DAB1: variants seen among roughly 807,000 people sequenced by gnomAD.
DAB1 encodes the protein disabled homolog 1.
Under a neutral mutation model 64.6 loss-of-function variants are expected in DAB1, and 15 were observed. The ratio of observed to expected loss-of-function variants is 0.23; its 90% CI spans 0.16 to 0.36. The LOEUF is 0.36. Ranked by LOEUF, DAB1 falls within the 10% of genes least tolerant of loss-of-function variation. The pLI, the probability that DAB1 is intolerant of heterozygous loss-of-function variation, is 1.00. For synonymous variants in DAB1, 235 were observed against 251.9 expected (o/e 0.93, Z 0.64); for missense variants, 596 against 706.7 (o/e 0.84, Z 1.78).
Position 58,051,424 on chromosome 1 carries a change from A to AC in DAB1, n.387+99086_387+99087insG, listed in dbSNP as rs1206507457. On this transcript the variant is annotated intron_variant and non_coding_transcript_variant, in intron 5 of 20. Transcript: ENST00000485760. Reference sequence around the variant, plus strand: ...TAGTATTCCATGGTGTATATGTGCCAATTTTCTTAATCCAGTCTATTATTG... The same window carrying AC: ...TAGTATTCCATGGTGTATATGTGCCACATTTTCTTAATCCAGTCTATTATTG... 5.3e-5 allele frequency among the ~76,000 whole-genome samples: 8 copies of AC among 152,104 alleles called. No homozygotes were observed. In the East Asian group the frequency reaches 9.6e-4, roughly 18 times the overall value.
intron 6 of DAB1, among the ~76,000 whole-genome samples, chr1:57,728,147 G>A (rs777097112): frequency 2.6e-5 from 4 of 152,162 alleles, no homozygotes; most frequent in Non-Finnish European, 4.4e-5. Flanking sequence ...TGGGCTCAAA[G>A]GTGACCTCTG....
intron 6 of DAB1, among the ~76,000 whole-genome samples, chr1:57,813,461 C>T (rs1306600447): frequency 6.6e-6 from 1 of 152,144 alleles, no homozygotes; most frequent in African/African-American, 2.4e-5. Flanking sequence ...CAAATTAAGA[C>T]ACAGTCCCTG....
At chr1:58,287,875 C>T (rs183942943) in intron 4 of DAB1, among the ~76,000 whole-genome samples, 2 of 151,604 alleles carry the variant, frequency 1.3e-5, no homozygotes, top group East Asian at 3.9e-4. Context: ...TACAAAAATT[C>T]ACTGGGTGTG....
intron 4 of DAB1, among the ~76,000 whole-genome samples, chr1:58,235,511 C>A (rs1468646271): frequency 6.6e-6 from 1 of 152,160 alleles, no homozygotes; most frequent in Non-Finnish European, 1.5e-5. Flanking sequence ...GCCCTGAACC[C>A]TAGTTTTGGT....
chr1:57,808,908 G>C (rs1651491839), intron 6 of DAB1, among the ~76,000 whole-genome samples: 1 of 152,132 alleles, frequency 6.6e-6, no homozygotes, highest in Admixed American at 6.5e-5. Flanking sequence ...CTCTGTGTGA[G>C]CTTTAGGAGA....
chr1:57,607,754 C>T (rs566397735), intron 7 of DAB1, among the ~76,000 whole-genome samples: 1 of 152,070 alleles, frequency 6.6e-6, no homozygotes, highest in Non-Finnish European at 1.5e-5. Flanking sequence ...AAAGAACTAA[C>T]AAAAAGACAG....
At chr1:58,333,668 C>T (rs569639204) in intron 4 of DAB1, among the ~76,000 whole-genome samples, 2 of 152,342 alleles carry the variant, frequency 1.3e-5, no homozygotes, top group South Asian at 4.1e-4. Context: ...AAAAAATGTA[C>T]AGCTCCAATT....
intron 4 of DAB1, among the ~76,000 whole-genome samples, chr1:58,197,083 A>C (rs780752778): frequency 3.9e-5 from 6 of 152,200 alleles, no homozygotes; most frequent in Non-Finnish European, 8.8e-5. Flanking sequence ...CTATATGCAG[A>C]GGAGATGCTG....
intron 4 of DAB1, among the ~76,000 whole-genome samples, chr1:58,333,270 G>A (rs540394762): frequency 6.6e-6 from 1 of 152,248 alleles, no homozygotes; most frequent in Non-Finnish European, 1.5e-5. Context: ...ATCAACAGTG[G>A]TAGGGGAGGA....
chr1:58,190,865 C>T (rs1254118219), intron 4 of DAB1, among the ~76,000 whole-genome samples: 3 of 152,186 alleles, frequency 2.0e-5, no homozygotes, highest in East Asian at 1.9e-4. Context: ...GGCGGAGAAC[C>T]GTGTTCTAGC....
At chr1:57,695,384 GAAAGAAAGAAAGAAAGAAAGA>G (rs1646826334) in intron 6 of DAB1, among the ~76,000 whole-genome samples, 68 of 75,206 alleles carry the variant, frequency 9.0e-4, no homozygotes, top group East Asian at 2.0e-3. Flanking sequence ...AAGAAAGAAA[GAAAGAAAGAAAGAAAGAAAGA>G]AAGAAAGAAA....
intron 3 of DAB1, among the ~76,000 whole-genome samples, chr1:58,439,570 T>C (rs1386963160): frequency 6.6e-6 from 1 of 152,228 alleles, no homozygotes; most frequent in Non-Finnish European, 1.5e-5. Flanking sequence ...ACTTGCTTAC[T>C]CTGTGCGAGA....
intron 3 of DAB1, among the ~76,000 whole-genome samples, chr1:58,359,549 G>T (rs946203662): frequency 6.6e-6 from 1 of 152,162 alleles, no homozygotes; most frequent in Non-Finnish European, 1.5e-5. Context: ...CAGTGTCAGT[G>T]CCAGAGCTGT....
At chr1:57,855,202 G>C (rs1653699739) in intron 1 of DAB1, among the ~76,000 whole-genome samples, 2 of 152,274 alleles carry the variant, frequency 1.3e-5, no homozygotes, top group Non-Finnish European at 2.9e-5. Context: ...GTGCAGTGAG[G>C]TAGTGGTAGC....
chr1:57,894,646 G>GA (rs1167895194), intron 5 of DAB1, among the ~76,000 whole-genome samples: 5 of 151,914 alleles, frequency 3.3e-5, no homozygotes, highest in African/African-American at 9.7e-5. Flanking sequence ...AGTGCAATGG[G>GA]AAAAAAAACT....
At chr1:57,413,723 G>A (rs145782388) in intron 1 of DAB1, among the ~76,000 whole-genome samples, 2,716 of 122,096 alleles carry the variant, frequency 0.022, 33 homozygotes, top group Middle Eastern at 0.051. Context: ...CAGCCCAGGC[G>A]ACACAGCAAG....
intron 9 of DAB1, among the ~76,000 whole-genome samples, chr1:57,042,224 G>T (rs1647876518): frequency 6.6e-6 from 1 of 152,176 alleles, no homozygotes; most frequent in South Asian, 2.1e-4. Flanking sequence ...GAAGTCCAGA[G>T]GATATCTGAA....
At chr1:58,091,268 G>C (rs750151629) in intron 5 of DAB1, among the ~76,000 whole-genome samples, 7 of 152,032 alleles carry the variant, frequency 4.6e-5, no homozygotes, top group Non-Finnish European at 1.0e-4. Context: ...AAGATTCAGA[G>C]CCTATAAAAT....
At chr1:58,006,795 G>A (rs559419320) in intron 5 of DAB1, among the ~76,000 whole-genome samples, 6 of 152,268 alleles carry the variant, frequency 3.9e-5, no homozygotes, top group African/African-American at 1.4e-4. Flanking sequence ...CGTCCCTCAG[G>A]AATGCTCCTG....
Sources: gnomAD v4.1 joint callset for allele counts (sites outside exome capture counted in the v4.1 genomes callset) on GRCh38, gnomAD v4.1.1 for gene constraint, MANE v1.5 for transcripts, NCBI Gene and HGNC (gene_info 2026-07-23, HGNC 2026-07-21) for gene names.